IPCEF1: variants seen among roughly 807,000 people sequenced by gnomAD.
The protein encoded by IPCEF1 is interactor protein for cytohesin exchange factors 1.
IPCEF1 carries 31 observed loss-of-function variants against 50.9 expected under a neutral mutation model. That is an observed-to-expected ratio of 0.61 (90% CI 0.46 to 0.82). The LOEUF (loss-of-function observed/expected upper bound fraction) is 0.82. Among genes scored for constraint, IPCEF1 ranks in the 40% least tolerant of loss-of-function variants. IPCEF1 has a pLI of 0.00. For synonymous variants in IPCEF1, 181 were observed against 192.0 expected, an observed-to-expected ratio of 0.94 and a Z score of 0.47; for missense variants, 458 against 514.0, an observed-to-expected ratio of 0.89 and a Z score of 1.05.
At chr6:154,272,372 A>G (rs1694953451) in intron 2 of IPCEF1, among the ~76,000 whole-genome samples, 1 of 152,256 alleles carries the variant, frequency 6.6e-6, no homozygotes, top group Admixed American at 6.5e-5. Context: ...AAGGTTGGTT[A>G]AACTCCCTAG....
At chr6:154,354,415 A>ACCTCCACCACCCCCTCCACCATCT (rs1784170228) in intron 1 of IPCEF1, among the ~76,000 whole-genome samples, 3 of 46,710 alleles carry the variant, frequency 6.4e-5, no homozygotes, top group Non-Finnish European at 8.1e-5. Flanking sequence ...CTCCACCACC[A>ACCTCCACCACCCCCTCCACCATCT]CCTCCACCAC....
intron 3 of IPCEF1, among the ~76,000 whole-genome samples, chr6:154,254,217 T>C (rs1175204648): frequency 1.2e-4 from 19 of 152,220 alleles, no homozygotes; most frequent in Admixed American, 9.8e-4. Flanking sequence ...TAATCAAATT[T>C]TGTAAACATT....
At chr6:154,305,261 G>A (rs1045679221) in intron 1 of IPCEF1, among the ~76,000 whole-genome samples, 1 of 152,210 alleles carries the variant, frequency 6.6e-6, no homozygotes, top group Admixed American at 6.5e-5. Flanking sequence ...CAATAGGCTG[G>A]TGCATGTCAT....
chr6:154,282,413 T>C (rs898250934), intron 2 of IPCEF1, among the ~76,000 whole-genome samples: 2 of 152,182 alleles, frequency 1.3e-5, no homozygotes, highest in Non-Finnish European at 2.9e-5. Flanking sequence ...CAGGGCGCGG[T>C]GGCTCACGCC....
At chr6:154,349,329 C>T (rs955996193) in intron 1 of IPCEF1, among the ~76,000 whole-genome samples, 4 of 151,596 alleles carry the variant, frequency 2.6e-5, no homozygotes, top group African/African-American at 9.7e-5. Context: ...GTAGCTGAGA[C>T]TACAGGCATG....
At chr6:154,280,551 A>T (rs1183300393) in intron 2 of IPCEF1, among the ~76,000 whole-genome samples, 1 of 152,272 alleles carries the variant, frequency 6.6e-6, no homozygotes, top group Non-Finnish European at 1.5e-5. Context: ...TAACATTGAG[A>T]GAAAGAAGCT....
intron 9 of IPCEF1, among the ~76,000 whole-genome samples, chr6:154,203,540 A>G (rs1407958202): frequency 6.6e-6 from 1 of 152,174 alleles, no homozygotes; most frequent in Non-Finnish European, 1.5e-5. Context: ...ATGCAGGATG[A>G]GAAACTCAAG....
intron 1 of IPCEF1, among the ~76,000 whole-genome samples, chr6:154,323,778 C>A (rs577250976): frequency 6.6e-6 from 1 of 152,270 alleles, no homozygotes; most frequent in African/African-American, 2.4e-5. Flanking sequence ...CATGGTGAAA[C>A]CCTGTCTCTA....
chr6:154,257,866 C>G (rs551719185), intron 3 of IPCEF1, among the ~76,000 whole-genome samples: 1 of 152,218 alleles, frequency 6.6e-6, no homozygotes, highest in Admixed American at 6.5e-5. Context: ...GGACATCTGG[C>G]TAATTTTTTA....
chr6:154,351,214 C>G (rs1292594926), intron 1 of IPCEF1, among the ~76,000 whole-genome samples: 1 of 152,162 alleles, frequency 6.6e-6, no homozygotes, highest in South Asian at 2.1e-4. Context: ...CAATGATACT[C>G]AAAATGGAAA....
intron 1 of IPCEF1, among the ~76,000 whole-genome samples, chr6:154,295,679 C>T (rs1782631541): frequency 6.6e-6 from 1 of 152,222 alleles, no homozygotes; most frequent in Admixed American, 6.5e-5. Flanking sequence ...CCCTCCAGTC[C>T]AGCCTTTTGT....
At chr6:154,323,477 C>T (rs62435709) in intron 1 of IPCEF1, among the ~76,000 whole-genome samples, 2 of 152,076 alleles carry the variant, frequency 1.3e-5, no homozygotes, top group East Asian at 1.9e-4. Flanking sequence ...TACAAATAAA[C>T]GTTTATTTAG....
intron 1 of IPCEF1, among the ~76,000 whole-genome samples, chr6:154,295,310 G>A (rs1782618825): frequency 6.6e-6 from 1 of 152,234 alleles, no homozygotes. Context: ...GCAACCCCGT[G>A]AAGGTGGTGC....
intron 1 of IPCEF1, among the ~76,000 whole-genome samples, chr6:154,292,884 TG>T (rs1782548132): frequency 6.6e-6 from 1 of 152,200 alleles, no homozygotes; most frequent in East Asian, 1.9e-4. Context: ...TTCATGTTTT[TG>T]CCTTTGCTTT....
chr6:154,248,932 A>G (rs984549262), intron 3 of IPCEF1, among the ~76,000 whole-genome samples: 1 of 152,184 alleles, frequency 6.6e-6, no homozygotes, highest in Non-Finnish European at 1.5e-5. Flanking sequence ...CATAATTTTT[A>G]TAAGTATGAT....
chr6:154,337,951 G>T (rs1250866271), intron 1 of IPCEF1, among the ~76,000 whole-genome samples: 1 of 152,092 alleles, frequency 6.6e-6, no homozygotes, highest in African/African-American at 2.4e-5. Flanking sequence ...TACGCCCATT[G>T]GGGAAACTGT....
intron 1 of IPCEF1, among the ~76,000 whole-genome samples, chr6:154,336,688 C>T (rs757697662): frequency 8.5e-5 from 13 of 152,090 alleles, no homozygotes; most frequent in African/African-American, 2.2e-4. Context: ...ACTGCAGCCT[C>T]GACTGCTCAG....
intron 1 of IPCEF1, among the ~76,000 whole-genome samples, chr6:154,319,186 C>T (rs1195001916): frequency 6.6e-6 from 1 of 152,128 alleles, no homozygotes; most frequent in Non-Finnish European, 1.5e-5. Flanking sequence ...TACCCAAAAA[C>T]ATGAACTGTT....
intron 10 of IPCEF1, among the ~76,000 whole-genome samples, chr6:154,193,447 A>G (rs1167947863): frequency 6.6e-6 from 1 of 152,196 alleles, no homozygotes; most frequent in Non-Finnish European, 1.5e-5. Flanking sequence ...ATCACCACTG[A>G]AGAACTCATT....
Sources: allele counts gnomAD v4.1 joint callset (sites outside exome capture counted in the v4.1 genomes callset), GRCh38; gene constraint gnomAD v4.1.1; transcripts MANE v1.5; gene names NCBI Gene and HGNC (gene_info 2026-07-23, HGNC 2026-07-21).